Variants in MAN1C1 observed in about 807,000 individuals in gnomAD.
MAN1C1 encodes the protein mannosidase alpha class 1C member 1, also known as mannosyl-oligosaccharide 1,2-alpha-mannosidase IC.
MAN1C1 carries 49 observed loss-of-function variants against 71.5 expected under a neutral mutation model. That is an observed-to-expected ratio of 0.69 (90% CI 0.54 to 0.87). The LOEUF is 0.87. Ranked by LOEUF, MAN1C1 falls within the 40% of genes least tolerant of loss-of-function variation. The probability of loss-of-function intolerance (pLI) is 0.00; values close to 1 mark genes in which losing one functional copy is unlikely to be tolerated. For missense variants in MAN1C1, 743 were observed against 835.0 expected, an observed-to-expected ratio of 0.89 and a Z score of 1.36; for synonymous variants, 352 against 343.7, an observed-to-expected ratio of 1.02 and a Z score of -0.27.
intron 7 of MAN1C1, among the ~76,000 whole-genome samples, chr1:25,767,525 T>TACACACCTACAC (rs2047451789): frequency 4.0e-5 from 4 of 101,006 alleles, no homozygotes; most frequent in Admixed American, 1.1e-4. Flanking sequence ...ACATACTACA[T>TACACACCTACAC]ACACTCCTAC....
rs1316268944 is a variant in MAN1C1, at chr1:25,643,358, G to A, written c.540+25021G>A. On this transcript the variant is annotated intron_variant, in intron 1 of 11. Transcript: ENST00000374332. ...CAACCTCTGCCTCCTGGTTTTAAGC[G>A]ATTCTCCAGCCTCAGCCTCCTGAGT... Among the ~76,000 whole-genome samples the A allele has an allele frequency of 8.0e-5, 12 of 150,552 alleles. 1 individual carries two copies. The highest frequency in any genetic ancestry group is 4.0e-4 in the Admixed American group (6 of 15,122).
In MAN1C1 at chr1:25,753,369, GCC is replaced by G; in HGVS notation, c.835-111_835-110del. On this transcript the variant is annotated intron_variant, in intron 4 of 11. Coordinates refer to ENST00000374332, the MANE Select transcript of MAN1C1 (RefSeq NM_020379.4). The surrounding 1 kb of genome is among the most constrained non-coding windows in gnomAD (Gnocchi z 4.9). Reference sequence around the variant, plus strand: ...AACCGGGCTGGTGGACTGCAGCACTGCCCCCTACTCTAGACCTGCAGCCCTGG... The same window carrying G: ...AACCGGGCTGGTGGACTGCAGCACTGCCCTACTCTAGACCTGCAGCCCTGG... The G allele has an allele frequency of 7.6e-6, 5 of 657,164 alleles. No individual in the cohort carries two copies. Among genetic ancestry groups the G allele is most frequent in the Non-Finnish European group, 1.3e-5 (5 of 391,386 alleles). 40.7% of individuals were successfully genotyped at this position (657,164 alleles called of 1,614,324 possible).
chr1:25,681,007 G>A (rs1368901493), intron 1 of MAN1C1, among the ~76,000 whole-genome samples: 2 of 151,940 alleles, frequency 1.3e-5, no homozygotes, highest in Non-Finnish European at 2.9e-5. Context: ...GATCACCTGA[G>A]GTCAGGAGTT....
At chr1:25,677,277 C>G (rs1485700108) in intron 1 of MAN1C1, among the ~76,000 whole-genome samples, 1 of 152,066 alleles carries the variant, frequency 6.6e-6, no homozygotes, top group Non-Finnish European at 1.5e-5. Flanking sequence ...CTTTGTTTTC[C>G]ACCTTTGCAA....
intron 1 of MAN1C1, among the ~76,000 whole-genome samples, chr1:25,676,857 C>T (rs1006029364): frequency 1.6e-4 from 25 of 152,110 alleles, no homozygotes; most frequent in Non-Finnish European, 5.9e-5. Context: ...AATGCTCACC[C>T]CCTTCCTTCC....
intron 2 of MAN1C1, among the ~76,000 whole-genome samples, chr1:25,714,647 G>T (rs1028197953): frequency 1.3e-5 from 2 of 152,198 alleles, no homozygotes; most frequent in African/African-American, 2.4e-5. Context: ...CTAATTCTCA[G>T]ATTAACATTT....
At chr1:25,761,300 A>G (rs1314389254) in intron 6 of MAN1C1, 1 of 152,184 alleles carries the variant, frequency 6.6e-6, no homozygotes, top group Non-Finnish European at 1.5e-5. Flanking sequence ...TCTCCCCCGA[A>G]ATAATTCCAG....
intron 1 of MAN1C1, among the ~76,000 whole-genome samples, chr1:25,641,255 TG>T (rs1256184449): frequency 6.6e-6 from 1 of 152,204 alleles, no homozygotes; most frequent in Non-Finnish European, 1.5e-5. Context: ...ATACAGAGCA[TG>T]GGCTGTCATC....
intron 6 of MAN1C1, chr1:25,759,691 C>T (rs576889866): frequency 1.3e-5 from 2 of 152,208 alleles, no homozygotes; most frequent in Non-Finnish European, 2.9e-5. Flanking sequence ...TTCTGGGCTT[C>T]ACTCCAGGGC....
chr1:25,643,246 A>AT (rs200826837), intron 1 of MAN1C1, among the ~76,000 whole-genome samples: 3,780 of 127,358 alleles, frequency 0.03, 146 homozygotes, highest in African/African-American at 0.11. Flanking sequence ...TAATTAATTA[A>AT]TTAATTAATT....
chr1:25,633,671 T>C (rs1468917862), intron 1 of MAN1C1, among the ~76,000 whole-genome samples: 1 of 152,156 alleles, frequency 6.6e-6, no homozygotes, highest in Non-Finnish European at 1.5e-5. Flanking sequence ...TATGAATCCT[T>C]ATACGTTAGG....
chr1:25,693,967 G>A (rs997844714), intron 2 of MAN1C1, among the ~76,000 whole-genome samples: 57 of 152,200 alleles, frequency 3.7e-4, no homozygotes, highest in African/African-American at 1.3e-3. Flanking sequence ...TTCATAAAAT[G>A]TAGGCTGCTG....
intron 1 of MAN1C1, among the ~76,000 whole-genome samples, chr1:25,622,380 C>T (rs577565938): frequency 1.3e-5 from 2 of 152,346 alleles, no homozygotes; most frequent in Non-Finnish European, 2.9e-5. Context: ...GTTTATGGAT[C>T]TGCCCAAGCA....
intron 1 of MAN1C1, among the ~76,000 whole-genome samples, chr1:25,642,380 G>A (rs1008763809): frequency 1.3e-5 from 2 of 152,232 alleles, no homozygotes; most frequent in Non-Finnish European, 2.9e-5. Flanking sequence ...CTCTGCAGCC[G>A]TGCTCTGCTG....
intron 2 of MAN1C1, among the ~76,000 whole-genome samples, chr1:25,722,162 C>T (rs1374437818): frequency 6.6e-6 from 1 of 152,158 alleles, no homozygotes; most frequent in African/African-American, 2.4e-5. Flanking sequence ...TTTGATATCT[C>T]GTCATTTGTA....
chr1:25,652,277 A>G (rs1457179068), intron 1 of MAN1C1, among the ~76,000 whole-genome samples: 1 of 152,218 alleles, frequency 6.6e-6, no homozygotes, highest in Admixed American at 6.5e-5. Context: ...ACTCCTGTGC[A>G]GGACAGCTGC....
chr1:25,705,071 C>T (rs1181611125), intron 2 of MAN1C1, among the ~76,000 whole-genome samples: 1 of 152,166 alleles, frequency 6.6e-6, no homozygotes, highest in Non-Finnish European at 1.5e-5. Context: ...GTGTGAAAAT[C>T]CTTTTCTGCC....
chr1:25,743,755 C>T (rs986397069), intron 2 of MAN1C1, among the ~76,000 whole-genome samples: 25 of 152,308 alleles, frequency 1.6e-4, no homozygotes, highest in African/African-American at 5.5e-4. Flanking sequence ...GGAAGAAGGG[C>T]GCATGGGGTG....
chr1:25,696,630 T>C (rs2046373394), intron 2 of MAN1C1, among the ~76,000 whole-genome samples: 1 of 152,012 alleles, frequency 6.6e-6, no homozygotes, highest in Non-Finnish European at 1.5e-5. Context: ...GCTGCTGTTC[T>C]TTTTTTACTT....
Sources: allele counts gnomAD v4.1 joint callset (sites outside exome capture counted in the v4.1 genomes callset), GRCh38; gene constraint gnomAD v4.1.1; non-coding constraint Gnocchi (gnomAD v3.1); transcripts MANE v1.5; gene names NCBI Gene and HGNC (gene_info 2026-07-23, HGNC 2026-07-21).